The following TENM3 variants were observed in gnomAD, a reference collection of about 807,000 sequenced individuals.
The protein encoded by TENM3 is teneurin-3.
Under a neutral mutation model 255.1 loss-of-function variants are expected in TENM3, and 63 were observed. The observed-to-expected ratio is 0.25, with a 90% CI of 0.20 to 0.30. The LOEUF is 0.30. Ranked by LOEUF, TENM3 falls within the 10% of genes least tolerant of loss-of-function variation. TENM3 has a pLI of 1.00. For missense variants in TENM3, 2,929 were observed against 3,461.1 expected (o/e 0.85, Z 3.86); for synonymous variants, 1,306 against 1,322.3 (o/e 0.99, Z 0.27).
the TENM3 span, among the ~76,000 whole-genome samples, chr4:181,962,638 A>G: frequency 9.2e-5 from 14 of 152,222 alleles, no homozygotes; most frequent in South Asian, 6.2e-4. Flanking sequence ...TATAAGTTAC[A>G]TGGCGTGATG....
chr4:182,069,514 A>G, the TENM3 span, among the ~76,000 whole-genome samples: 3 of 152,164 alleles, frequency 2.0e-5, no homozygotes, highest in Non-Finnish European at 4.4e-5. Context: ...CCCCTCAACT[A>G]GAATATGCAC....
intron 1 of TENM3, among the ~76,000 whole-genome samples, chr4:182,235,997 G>T (rs950248575): frequency 6.6e-6 from 1 of 152,216 alleles, no homozygotes; most frequent in Non-Finnish European, 1.5e-5. Flanking sequence ...ATACAGGCAA[G>T]TGACATGACC....
chr4:181,940,015 C>A, the TENM3 span, among the ~76,000 whole-genome samples: 1 of 152,156 alleles, frequency 6.6e-6, no homozygotes, highest in Non-Finnish European at 1.5e-5. Context: ...AGCAGAAATG[C>A]ACGCTTTATG....
intron 3 of TENM3, among the ~76,000 whole-genome samples, chr4:182,452,657 A>G (rs1392949312): frequency 2.0e-5 from 3 of 152,240 alleles, no homozygotes; most frequent in Admixed American, 6.5e-5. Flanking sequence ...GATAAGTGCT[A>G]TTTTGGCTAT....
chr4:181,922,835 A>G, the TENM3 span, among the ~76,000 whole-genome samples: 3 of 151,516 alleles, frequency 2.0e-5, no homozygotes, highest in African/African-American at 4.9e-5. Flanking sequence ...TTAGGGTGTC[A>G]ATTTTGGATC....
intron 3 of TENM3, among the ~76,000 whole-genome samples, chr4:182,439,707 T>C (rs1409647636): frequency 2.0e-5 from 3 of 152,252 alleles, no homozygotes; most frequent in Admixed American, 2.0e-4. Flanking sequence ...ACTAGAATTA[T>C]TCTCCTTTAG....
intron 13 of TENM3, among the ~76,000 whole-genome samples, chr4:182,717,309 A>G (rs927598667): frequency 1.3e-5 from 2 of 152,158 alleles, no homozygotes; most frequent in African/African-American, 2.4e-5. Flanking sequence ...GGAATTCCTT[A>G]TGAGGAATAG....
At chr4:182,021,967 T>C in the TENM3 span, among the ~76,000 whole-genome samples, 1 of 152,162 alleles carries the variant, frequency 6.6e-6, no homozygotes, top group Non-Finnish European at 1.5e-5. Context: ...TCAGCCCCTC[T>C]GGAAGGCAGT....
the TENM3 span, among the ~76,000 whole-genome samples, chr4:181,679,354 T>C: frequency 6.7e-6 from 1 of 148,308 alleles, no homozygotes; most frequent in Admixed American, 6.8e-5. Context: ...CATTGATCAA[T>C]TAAACTCCTT....
intron 3 of TENM3, among the ~76,000 whole-genome samples, chr4:182,481,321 C>T (rs1201889440): frequency 6.6e-6 from 1 of 152,022 alleles, no homozygotes; most frequent in Non-Finnish European, 1.5e-5. Context: ...ATAAAGAAGA[C>T]ACCTCATTTT....
At chr4:181,644,101 G>T in the TENM3 span, among the ~76,000 whole-genome samples, 4 of 151,180 alleles carry the variant, frequency 2.6e-5, no homozygotes, top group Admixed American at 2.0e-4. Flanking sequence ...AAAAGTCAAG[G>T]GTGAGCAAGG....
the TENM3 span, among the ~76,000 whole-genome samples, chr4:181,689,567 T>A: frequency 6.6e-6 from 1 of 152,164 alleles, no homozygotes. Flanking sequence ...GCAGATGGAG[T>A]ACCAAACTCA....
the TENM3 span, among the ~76,000 whole-genome samples, chr4:181,551,904 T>G: frequency 6.8e-6 from 1 of 148,054 alleles, no homozygotes; most frequent in South Asian, 2.1e-4. Context: ...AAATTTTGCC[T>G]GTATTCTTTC....
chr4:182,487,126 T>C (rs1382750364), intron 3 of TENM3, among the ~76,000 whole-genome samples: 1 of 152,164 alleles, frequency 6.6e-6, no homozygotes, highest in Non-Finnish European at 1.5e-5. Context: ...GTTTCTAGAA[T>C]TTGGTGAGTC....
At chr4:181,466,396 A>G in the TENM3 span, among the ~76,000 whole-genome samples, 6 of 152,212 alleles carry the variant, frequency 3.9e-5, no homozygotes, top group Middle Eastern at 3.4e-3. Flanking sequence ...GATTACAGGC[A>G]TGAGCCACCG....
chr4:182,037,273 G>T, the TENM3 span, among the ~76,000 whole-genome samples: 11 of 151,748 alleles, frequency 7.2e-5, no homozygotes, highest in Non-Finnish European at 1.6e-4. Flanking sequence ...TCGGGCTCCT[G>T]AGTAGCTGGG....
At chr4:182,456,101 A>G (rs903224732) in intron 3 of TENM3, among the ~76,000 whole-genome samples, 2 of 152,216 alleles carry the variant, frequency 1.3e-5, no homozygotes, top group African/African-American at 4.8e-5. Flanking sequence ...GGATGAGTAC[A>G]CTAAATATAA....
the TENM3 span, among the ~76,000 whole-genome samples, chr4:181,559,615 T>C: frequency 6.6e-6 from 1 of 152,250 alleles, no homozygotes; most frequent in African/African-American, 2.4e-5. Context: ...TTTAGAACAG[T>C]GCCTGGCATA....
At chr4:181,519,329 T>G in the TENM3 span, among the ~76,000 whole-genome samples, 1 of 152,244 alleles carries the variant, frequency 6.6e-6, no homozygotes, top group East Asian at 1.9e-4. Flanking sequence ...GAATAAAGAT[T>G]TCCAAATGTA....
Sources: allele counts gnomAD v4.1 joint callset (sites outside exome capture counted in the v4.1 genomes callset), GRCh38; gene constraint gnomAD v4.1.1; transcripts MANE v1.5; gene names NCBI Gene and HGNC (gene_info 2026-07-23, HGNC 2026-07-21).